The following DISP1 variants were observed in gnomAD, a reference collection of about 807,000 sequenced individuals.
DISP1 encodes dispatched RND transporter family member 1, also known as protein dispatched homolog 1.
Under a neutral mutation model 37.3 loss-of-function variants are expected in DISP1, and 30 were observed. That is an observed-to-expected ratio of 0.80 (90% CI 0.60 to 1.09). DISP1 has a LOEUF of 1.09. Ranked by LOEUF, DISP1 falls within the 50% of genes least tolerant of loss-of-function variation. The pLI is 0.00. For synonymous variants in DISP1, 634 were observed against 690.2 expected, an observed-to-expected ratio of 0.92 and a Z score of 1.28; for missense variants, 1,598 against 1,879.5, an observed-to-expected ratio of 0.85 and a Z score of 2.77.
intron 1 of DISP1, among the ~76,000 whole-genome samples, chr1:222,850,816 T>G (rs1463030465): frequency 1.3e-5 from 2 of 152,200 alleles, no homozygotes; most frequent in African/African-American, 4.8e-5. Context: ...ACATTTACTG[T>G]GTACCACATT....
chr1:222,892,616 T>A (rs754656202), intron 1 of DISP1, among the ~76,000 whole-genome samples: 5 of 152,230 alleles, frequency 3.3e-5, no homozygotes, highest in Non-Finnish European at 7.3e-5. Flanking sequence ...CAGTGTTTGG[T>A]ATCTGCTACA....
In DISP1 at chr1:222,855,312, G is replaced by T. The variant is rs76526629; in HGVS notation, c.-159+40234G>T. On this transcript the variant is annotated intron_variant, in intron 1 of 8. Coordinates refer to ENST00000675850, the MANE Select transcript of DISP1 (RefSeq NM_001377229.1). ...GACAAATAACACTTGAGTTCCAGGC[G>T]TTGGGAACTAGTTAAGATCTGTTAG... 3.2e-4 allele frequency among the ~76,000 whole-genome samples: 48 copies of T among 152,264 alleles called. 1 individual carries two copies. Among genetic ancestry groups the T allele is most frequent in the African/African-American group, 1.1e-3 (46 of 41,552 alleles).
chr1:222,850,156 G>A (rs1364230177), intron 1 of DISP1, among the ~76,000 whole-genome samples: 6 of 152,142 alleles, frequency 3.9e-5, no homozygotes, highest in African/African-American at 1.4e-4. Context: ...CATGTTACTA[G>A]CACATGAGAA....
chr1:222,968,095 A>G (rs1183937765), intron 3 of DISP1, among the ~76,000 whole-genome samples: 1 of 152,212 alleles, frequency 6.6e-6, no homozygotes, highest in Non-Finnish European at 1.5e-5. Context: ...TGGTAGACAC[A>G]TCAATGGATA....
intron 1 of DISP1, among the ~76,000 whole-genome samples, chr1:222,902,358 A>C (rs1328426904): frequency 2.0e-5 from 3 of 152,214 alleles, no homozygotes; most frequent in Non-Finnish European, 4.4e-5. Context: ...ACCCTAGAAG[A>C]AAACCTAGGT....
chr1:222,893,286 T>A lies in DISP1; in HGVS notation c.-158-35144T>A, dbSNP rs779603555. 1.3e-5 allele frequency among the ~76,000 whole-genome samples: 2 copies of A among 152,240 alleles called. No homozygotes were observed. Among genetic ancestry groups the A allele is most frequent in the South Asian group, 2.1e-4 (1 of 4,834 alleles). On this transcript the variant is annotated intron_variant, in intron 1 of 8. Transcript: ENST00000675850. This position sits in a 1 kb window ranked among gnomAD's most constrained non-coding sequence, Gnocchi z 4.3. ...AAAATTATTCACTGTATATAATAAT[T>A]ACTGTCACTCATTATTGTCATGGGA...
chr1:222,914,486 C>T (rs35578837), intron 1 of DISP1, among the ~76,000 whole-genome samples: 17,313 of 152,164 alleles, frequency 0.11, 1,355 homozygotes, highest in Non-Finnish European at 0.16. Context: ...TCTTGCCTCC[C>T]TCTTTCTTTC....
At chr1:223,001,564 G>A (rs545447252) in intron 8 of DISP1, among the ~76,000 whole-genome samples, 9 of 152,138 alleles carry the variant, frequency 5.9e-5, no homozygotes, top group South Asian at 2.1e-4. Context: ...AAAATACCTC[G>A]GACTGGGTAA....
intron 1 of DISP1, among the ~76,000 whole-genome samples, chr1:222,884,578 T>A (rs1295915014): frequency 6.6e-6 from 1 of 152,246 alleles, no homozygotes; most frequent in Non-Finnish European, 1.5e-5. Context: ...ATGGAGGCTA[T>A]GCATTTTTGG....
intron 1 of DISP1, among the ~76,000 whole-genome samples, chr1:222,914,325 T>C (rs1672373703): frequency 1.3e-5 from 2 of 152,174 alleles, no homozygotes; most frequent in African/African-American, 4.8e-5. Context: ...TGCTTTGAAG[T>C]TGGGTTCAGA....
rs1338238695 is a variant in DISP1 at position 222,887,643 on chromosome 1, C to T, written c.-158-40787C>T. On this transcript the variant is annotated intron_variant, in intron 1 of 8. Coordinates refer to ENST00000675850, the MANE Select transcript of DISP1 (RefSeq NM_001377229.1). ...CCTCCCGAGTAGCTGGGACTACAGG[C>T]GCCCGCCACCGCGCCCGGCTAATTT... is the stretch of plus-strand genomic sequence containing the variant. Among the ~76,000 whole-genome samples, 2 of 138,718 alleles carry T rather than the reference C, an allele frequency of 1.4e-5. 1 individual carries two copies. Among genetic ancestry groups the T allele is most frequent in the Non-Finnish European group, 3.2e-5 (2 of 63,100 alleles). 91.0% of individuals were successfully genotyped at this position (138,718 alleles called of 152,430 possible).
At chr1:222,862,689 C>T (rs1354393498) in intron 1 of DISP1, among the ~76,000 whole-genome samples, 4 of 151,958 alleles carry the variant, frequency 2.6e-5, no homozygotes, top group African/African-American at 7.3e-5. Flanking sequence ...TGTGCCACCA[C>T]GCTTGGGTCA....
intron 1 of DISP1, among the ~76,000 whole-genome samples, chr1:222,842,681 C>T (rs908506900): frequency 6.6e-6 from 1 of 151,950 alleles, no homozygotes; most frequent in Admixed American, 6.6e-5. Flanking sequence ...CATCTGTTAA[C>T]ACACAGGCTT....
At chr1:222,958,058 G>A (rs1675754621) in intron 3 of DISP1, among the ~76,000 whole-genome samples, 1 of 152,186 alleles carries the variant, frequency 6.6e-6, no homozygotes, top group Non-Finnish European at 1.5e-5. Context: ...TAACTGTTAA[G>A]CAGATCCAAT....
intron 4 of DISP1, among the ~76,000 whole-genome samples, chr1:222,985,375 G>A (rs1327279206): frequency 2.0e-5 from 3 of 152,204 alleles, no homozygotes; most frequent in Admixed American, 1.3e-4. Flanking sequence ...TTTTTGGCCG[G>A]GCACAGTGGC....
intron 1 of DISP1, among the ~76,000 whole-genome samples, chr1:222,875,536 A>G (rs1669912911): frequency 6.6e-6 from 1 of 151,516 alleles, no homozygotes; most frequent in African/African-American, 2.4e-5. Flanking sequence ...AGCATCAGAA[A>G]GGTCTGGTGT....
chr1:222,937,650 G>GA (rs1674053070), intron 2 of DISP1, among the ~76,000 whole-genome samples: 1 of 152,012 alleles, frequency 6.6e-6, no homozygotes, highest in Non-Finnish European at 1.5e-5. Context: ...TAAAATGCTG[G>GA]CTAAAAATGT....
intron 3 of DISP1, among the ~76,000 whole-genome samples, chr1:222,973,708 G>A (rs968259309): frequency 6.6e-6 from 1 of 152,108 alleles, no homozygotes; most frequent in Admixed American, 6.5e-5. Context: ...GCCCTCTTGT[G>A]CACAAGTGCC....
chr1:222,953,981 A>G (rs1348307287), intron 3 of DISP1, among the ~76,000 whole-genome samples: 1 of 152,192 alleles, frequency 6.6e-6, no homozygotes, highest in Non-Finnish European at 1.5e-5. Context: ...TTTAGAATGA[A>G]GCAAGTATAT....
Sources: gnomAD v4.1 joint callset for allele counts (sites outside exome capture counted in the v4.1 genomes callset) on GRCh38, gnomAD v4.1.1 for gene constraint, Gnocchi (gnomAD v3.1) non-coding constraint, MANE v1.5 for transcripts, NCBI Gene and HGNC (gene_info 2026-07-23, HGNC 2026-07-21) for gene names.